PNPLA5: variants seen among roughly 807,000 people sequenced by gnomAD.
PNPLA5 encodes patatin-like phospholipase domain-containing protein 5.
A neutral mutation model predicts 49.1 loss-of-function variants in PNPLA5; 44 were observed. The observed-to-expected ratio is 0.90, with a 90% CI of 0.70 to 1.15. PNPLA5 has a LOEUF of 1.15. PNPLA5 is among the 50% of genes most tolerant of loss of function. PNPLA5 has a pLI of 0.00. For synonymous variants in PNPLA5, 243 were observed against 244.4 expected, an observed-to-expected ratio of 0.99 and a Z score of 0.06; for missense variants, 603 against 564.0, an observed-to-expected ratio of 1.07 and a Z score of -0.70.
rs1044617537 is a variant in PNPLA5 at position 43,884,156 on chromosome 22, G to A, written c.1082+57C>T. The A allele has an allele frequency of 4.3e-6, 6 of 1,387,698 alleles. No individual in the cohort carries two copies. The Admixed American group carries it at 1.5e-4, about 36-fold the overall frequency. 86.0% of individuals were successfully genotyped at this position (1,387,698 alleles called of 1,614,324 possible). On this transcript the variant is annotated intron_variant, in intron 7 of 8. Transcript: ENST00000216177. Reference sequence around the variant, plus strand: ...GTGTGCCAGCCGCCCCTCCTGCCATGGGCACCAGTCTCCGCCACAAGCCAG... The same window carrying A: ...GTGTGCCAGCCGCCCCTCCTGCCATAGGCACCAGTCTCCGCCACAAGCCAG...
At chr22:43,881,452 G>T in intron 8 of PNPLA5, 106 bp downstream of exon 8, 1 of 1,157,428 alleles carries the variant, frequency 8.6e-7, no homozygotes. Context: ...TAAGCAGGTG[G>T]GCAGGCAGAT....
At chr22:43,884,454 G>C (rs1021086622) in intron 6 of PNPLA5, 109 bp from the exon 7 acceptor site, 1 of 1,381,264 alleles carries the variant, frequency 7.2e-7, no homozygotes, top group East Asian at 2.8e-5. Flanking sequence ...ACCTTCTGCA[G>C]ATGAAGAAGC....
intron 6 of PNPLA5, among the ~76,000 whole-genome samples, chr22:43,884,999 T>G (rs1014573518): frequency 6.6e-6 from 1 of 152,240 alleles, no homozygotes; most frequent in Non-Finnish European, 1.5e-5. Context: ...CACATCCACC[T>G]GCCGAGTGTC....
chr22:43,886,539 G>T, intron 5 of PNPLA5, 51 bp from the exon 6 acceptor site: 1 of 1,559,360 alleles, frequency 6.4e-7, no homozygotes, highest in African/African-American at 1.4e-5. Flanking sequence ...CCTCCCCAAG[G>T]CGCCCCATGC....
intron 2 of PNPLA5, among the ~76,000 whole-genome samples, chr22:43,890,258 A>G (rs1186736636): frequency 6.6e-6 from 1 of 152,212 alleles, no homozygotes; most frequent in Non-Finnish European, 1.5e-5. Flanking sequence ...TGTCACCTGC[A>G]TCTCCATCTG....
At position 43,880,386 on chromosome 22, in the gene PNPLA5, C is replaced by G. The variant is rs2049595938; in HGVS notation, c.*409G>C. 1.3e-5 allele frequency: 5 copies of G among 398,624 alleles called. No homozygotes were observed. The highest frequency in any genetic ancestry group is 1.8e-5 in the Non-Finnish European group (4 of 226,176). The allele number at this position is 398,624 out of a possible 1,614,324, so 24.7% of individuals were successfully genotyped here. On this transcript the variant is annotated 3_prime_UTR_variant, in exon 9 of 9. Coordinates refer to ENST00000216177, the MANE Select transcript of PNPLA5 (RefSeq NM_138814.4). ...AAAGTCTGGGGGGAGCACCCCCACC[C>G]CATCATCTCAGTTGGCTCCTCTGGT...
Position 43,880,481 on chromosome 22 carries a change from C to T in PNPLA5, c.*314G>A, listed in dbSNP as rs2049596729. The T allele has an allele frequency of 2.5e-6, 1 of 398,814 alleles. No individual in the cohort carries two copies. The highest frequency in any genetic ancestry group is 4.4e-6 in the Non-Finnish European group (1 of 226,300). 24.7% of individuals were successfully genotyped at this position (398,814 alleles called of 1,614,324 possible). A position where few individuals can be genotyped will look rare whatever the true frequency, so the allele number is the denominator to read the frequency against. On this transcript the variant is annotated 3_prime_UTR_variant, in exon 9 of 9. Transcript: ENST00000216177. ...CTCCGTGGGCAGCTCCACGGCAGAA[C>T]AGGAGCCCCTCTCCCCAGCAATGCT...
Position 43,880,070 on chromosome 22 carries a change from CGTG to C in PNPLA5, c.*722_*724del, listed in dbSNP as rs1307088653. ...GCTGCCAATGGGGAGAGCAGTGACT[CGTG>C]GAGAGGCCAGAGGCCTGGTGTCCCT... On this transcript the variant is annotated 3_prime_UTR_variant, in exon 9 of 9. Coordinates refer to ENST00000216177, the MANE Select transcript of PNPLA5 (RefSeq NM_138814.4). 1.5e-5 allele frequency: 3 copies of C among 202,788 alleles called. No individual in the cohort carries two copies. The highest frequency in any genetic ancestry group is 2.9e-5 in the Non-Finnish European group (3 of 101,752). The allele number at this position is 202,788 out of a possible 1,614,324, so 12.6% of individuals were successfully genotyped here.
chr22:43,882,015 C>A (rs1038660338), intron 7 of PNPLA5, among the ~76,000 whole-genome samples: 1 of 152,182 alleles, frequency 6.6e-6, no homozygotes, highest in Non-Finnish European at 1.5e-5. Context: ...CCTCCCTGCC[C>A]ATCAGCTGGG....
chr22:43,891,749 G>A lies in PNPLA5; in HGVS notation c.132C>T (p.Arg44=), dbSNP rs74445350. 176,222 of 1,543,906 alleles carry A rather than the reference G, an allele frequency of 0.11. 11,266 individuals are homozygous for A. The highest frequency in any genetic ancestry group is 0.23 in the East Asian group (9,276 of 40,378). The part of the protein sequence containing the change: ...RAPRLLQGAR[R]IYGSSSGALN... The stretch of plus-strand genomic sequence containing the variant: ...GCGCCCCAGACGAGGAACCGTAGAT[G>A]CGGCGGGCGCCCTGGAGGAGGCGCG... Residue 44 remains arginine, a synonymous_variant, in exon 1 of 9, where the codon CGC becomes CGT. Coordinates refer to ENST00000216177, the MANE Select transcript of PNPLA5 (RefSeq NM_138814.4).
At chr22:43,887,913 C>A (rs150371304) in intron 4 of PNPLA5, among the ~76,000 whole-genome samples, 2 of 152,360 alleles carry the variant, frequency 1.3e-5, no homozygotes, top group East Asian at 1.9e-4. Context: ...CCCTGAGACA[C>A]CCTGGCTGCT....
chr22:43,884,139 G>C, intron 7 of PNPLA5, 74 bp downstream of exon 7: 1 of 901,004 alleles, frequency 1.1e-6, no homozygotes, highest in Non-Finnish European at 1.5e-6. Context: ...CAGTGTGCCA[G>C]CCGCCCCTCC....
intron 5 of PNPLA5, among the ~76,000 whole-genome samples, 195 bp downstream of exon 5, chr22:43,887,396 C>T (rs931976153): frequency 1.1e-4 from 16 of 152,294 alleles, no homozygotes; most frequent in African/African-American, 3.1e-4. Flanking sequence ...TACCAGGCTG[C>T]GGGCTGCTCA....
intron 7 of PNPLA5, among the ~76,000 whole-genome samples, chr22:43,883,184 TCTC>T (rs978701385): frequency 3.3e-5 from 5 of 152,148 alleles, no homozygotes; most frequent in African/African-American, 1.2e-4. Context: ...CTAAGAGTCA[TCTC>T]CTCCGGGCAG....
In PNPLA5 at chr22:43,884,423, G is replaced by A. The variant is rs62226142; in HGVS notation, c.950-78C>T. On this transcript the variant is annotated intron_variant, in intron 6 of 8. Coordinates refer to ENST00000216177, the MANE Select transcript of PNPLA5 (RefSeq NM_138814.4). ...AACCTGAGCCCCCCCATTTCACACAGTAAGAGACTGCACCCCCTCCACCTT... is the reference window on the plus strand; with the variant it reads ...AACCTGAGCCCCCCCATTTCACACAATAAGAGACTGCACCCCCTCCACCTT... 4.9e-3 allele frequency: 7,049 copies of A among 1,439,438 alleles called. 18 individuals carry two copies. The highest frequency in any genetic ancestry group is 6.0e-3 in the Non-Finnish European group (6,515 of 1,094,116). The allele number at this position is 1,439,438 out of a possible 1,614,324, so 89.2% of individuals were successfully genotyped here. A position where few individuals can be genotyped will look rare whatever the true frequency, so the allele number is the denominator to read the frequency against.
intron 7 of PNPLA5, among the ~76,000 whole-genome samples, chr22:43,882,434 T>G (rs1406883802): frequency 6.6e-6 from 1 of 152,146 alleles, no homozygotes; most frequent in Non-Finnish European, 1.5e-5. Context: ...ACAGCACCCT[T>G]GGAGGGGCCC....
At position 43,889,447 on chromosome 22, in the gene PNPLA5, A is replaced by G; in HGVS notation, c.584T>C (p.Ile195Thr). The change falls in exon 4 of 9, where the codon ATC becomes ACC. Residue 195 changes from isoleucine to threonine, a missense_variant. Ile to Thr is a moderately conservative substitution (Grantham distance 89). Coordinates refer to ENST00000216177, the MANE Select transcript of PNPLA5 (RefSeq NM_138814.4). ...TVSPFHGTVD[I>T]CPQSTSPNLH... is the part of the protein sequence containing the mutation. ...GTTGGGGGAGGTGCTCTGGGGGCAGATGTCCACTGTCCCATGGAAGGGCGA... is the reference window on the plus strand; with the variant it reads ...GTTGGGGGAGGTGCTCTGGGGGCAGGTGTCCACTGTCCCATGGAAGGGCGA... 2 of 1,614,102 alleles carry G rather than the reference A, an allele frequency of 1.2e-6. No individual in the cohort carries two copies. The highest frequency in any genetic ancestry group is 8.5e-7 in the Non-Finnish European group (1 of 1,180,016).
chr22:43,886,434 G>A lies in PNPLA5; in HGVS notation c.818C>T (p.Pro273Leu), dbSNP rs768114170. The A allele has an allele frequency of 1.4e-5, 23 of 1,613,972 alleles. No individual in the cohort carries two copies. The highest frequency in any genetic ancestry group is 2.2e-5 in the South Asian group (2 of 91,078). ...WTLVSKEPPA[P>L]ADGNWDAGCD... ...GCCAGCATCCCAGTTTCCGTCAGCCGGGGCTGGGGGTTCCTTAGACACCAG... is the reference window on the plus strand; with the variant it reads ...GCCAGCATCCCAGTTTCCGTCAGCCAGGGCTGGGGGTTCCTTAGACACCAG... The change falls in exon 6 of 9, where the codon CCG (proline) becomes CTG (leucine). Residue 273 changes from proline to leucine, a missense_variant. Physicochemically the swap from Pro to Leu is moderately conservative, Grantham distance 98. Transcript: ENST00000216177.
chr22:43,881,570 A>T lies in PNPLA5; in HGVS notation c.1187T>A (p.Leu396His), dbSNP rs1234209199. The change falls in exon 8 of 9, where the codon CTT becomes CAT. Residue 396 changes from leucine to histidine, a missense_variant. Transcript: ENST00000216177. The part of the protein sequence containing the change: ...EVFSRTKAQL[L>H]GPISPPATRV... ...CTGCCCACCTCACCTGATGGGCCCAAGGAGCTGGGCCTTGGTCCTGGAGAA... is the reference window on the plus strand; with the variant it reads ...CTGCCCACCTCACCTGATGGGCCCATGGAGCTGGGCCTTGGTCCTGGAGAA... 6 of 1,597,826 alleles carry T rather than the reference A, an allele frequency of 3.8e-6. No individual in the cohort carries two copies. Among genetic ancestry groups the T allele is most frequent in the Non-Finnish European group, 5.1e-6 (6 of 1,172,660 alleles).
Sources: gnomAD v4.1 joint callset for allele counts (sites outside exome capture counted in the v4.1 genomes callset) on GRCh38, gnomAD v4.1.1 for gene constraint, MANE v1.5 for transcripts, NCBI Gene and HGNC (gene_info 2026-07-23, HGNC 2026-07-21) for gene names.